The following ELF4 variants were observed in gnomAD, a reference collection of about 807,000 sequenced individuals.
The protein encoded by ELF4 is E74 like ETS transcription factor 4.
A neutral mutation model predicts 31.7 loss-of-function variants in ELF4; 10 were observed. The ratio of observed to expected loss-of-function variants is 0.32; its 90% CI spans 0.19 to 0.54. The LOEUF (loss-of-function observed/expected upper bound fraction) is 0.54, where lower values mean the gene tolerates loss of function less well. Ranked by LOEUF, ELF4 falls within the 20% of genes least tolerant of loss-of-function variation. ELF4 has a pLI of 0.95. For synonymous variants in ELF4, 208 were observed against 226.7 expected (o/e 0.92, Z 0.74); for missense variants, 418 against 522.0 (o/e 0.80, Z 1.94).
At chrX:130,077,583 C>T (rs1462873358) in intron 2 of ELF4, among the ~76,000 whole-genome samples, 5 of 112,596 alleles carry the variant, frequency 4.4e-5, no homozygotes, top group Non-Finnish European at 9.4e-5. Flanking sequence ...CGTGAGCCAC[C>T]GCACCTGGCC....
At chrX:130,072,496 G>A (rs1603199893) in intron 4 of ELF4, 79 bp from the exon 5 acceptor site, 3 of 1,046,150 alleles carry the variant, frequency 2.9e-6, no homozygotes, top group Non-Finnish European at 4.0e-6. Flanking sequence ...GAGACGGGTA[G>A]GTTCCAAGGG....
rs111535131 is a variant in ELF4, at chrX:130,103,102, A to G, written c.-210+7223T>C. On this transcript the variant is annotated intron_variant, in intron 1 of 8. Transcript: ENST00000308167. ...CCTATAAAAGAAAATATGAGACAAAATATTTGTGAACTAAGGCTAGGGGAA... is the reference window on the plus strand; with the variant it reads ...CCTATAAAAGAAAATATGAGACAAAGTATTTGTGAACTAAGGCTAGGGGAA... Among the ~76,000 whole-genome samples the G allele has an allele frequency of 5.5e-3, 614 of 111,834 alleles. 6 individuals carry two copies. Among genetic ancestry groups the G allele is most frequent in the African/African-American group, 0.019 (576 of 30,778 alleles).
At chrX:130,080,795 T>A (rs1932880736) in intron 2 of ELF4, among the ~76,000 whole-genome samples, 1 of 111,965 alleles carries the variant, frequency 8.9e-6, no homozygotes, top group Non-Finnish European at 1.9e-5. Context: ...ACTCTGAAAA[T>A]GTCAGGGCCT....
intron 2 of ELF4, among the ~76,000 whole-genome samples, chrX:130,078,298 G>T (rs1231094342): frequency 9.5e-6 from 1 of 104,960 alleles, no homozygotes; most frequent in Non-Finnish European, 2.0e-5. Context: ...TGCCTGTCTC[G>T]GCCTCCCGAA....
chrX:130,100,479 G>A (rs1393069882), intron 1 of ELF4, among the ~76,000 whole-genome samples: 2 of 110,431 alleles, frequency 1.8e-5, no homozygotes, highest in African/African-American at 6.6e-5. Flanking sequence ...AGCCCAGTTG[G>A]TCTCCTCATG....
chrX:130,103,141 C>T (rs1933315718), intron 1 of ELF4, among the ~76,000 whole-genome samples: 1 of 111,801 alleles, frequency 8.9e-6, no homozygotes, highest in African/African-American at 3.3e-5. Context: ...TTCTTCGATA[C>T]AGCACCAAAA....
intron 1 of ELF4, among the ~76,000 whole-genome samples, chrX:130,083,994 T>C (rs190072836): frequency 1.5e-4 from 17 of 112,283 alleles, no homozygotes; most frequent in Admixed American, 1.4e-3. Flanking sequence ...GAGCAAAATG[T>C]GCATACCTTC....
chrX:130,077,290 A>G (rs1932842600), intron 2 of ELF4, among the ~76,000 whole-genome samples: 1 of 105,972 alleles, frequency 9.4e-6, no homozygotes, highest in Non-Finnish European at 1.9e-5. Flanking sequence ...CCAGCATTCC[A>G]GAGAATTTTT....
chrX:130,095,035 C>A (rs1021916245), intron 1 of ELF4, among the ~76,000 whole-genome samples: 1 of 111,338 alleles, frequency 9.0e-6, no homozygotes, highest in African/African-American at 3.3e-5. Flanking sequence ...GGCAGTGGGG[C>A]GTGGGTGCTT....
In ELF4 at chrX:130,071,346, C is replaced by T. The variant is rs1338680097; in HGVS notation, c.606G>A (p.Lys202=). 1.7e-6 allele frequency: 2 copies of T among 1,210,461 alleles called. No individual in the cohort carries two copies. Among genetic ancestry groups the T allele is most frequent in the Non-Finnish European group, 2.2e-6 (2 of 895,303 alleles). The change falls in exon 6 of 9, where the codon AAG becomes AAA. Residue 202 remains lysine, a synonymous_variant. Coordinates refer to ENST00000308167, the MANE Select transcript of ELF4 (RefSeq NM_001421.4). ...CCCAGCTGTCCATACCTTTGCCATC[C>T]TTTGATTTCTTCCTAATGGGGATGC... ...DPSIPIRKKS[K]DGKGSTIYLW... is the part of the protein sequence containing the mutation.
intron 1 of ELF4, among the ~76,000 whole-genome samples, chrX:130,089,956 T>C (rs1220287931): frequency 9.3e-6 from 1 of 107,083 alleles, no homozygotes; most frequent in Non-Finnish European, 1.9e-5. Flanking sequence ...AAAAAAATTG[T>C]CTGGACGTGG....
Position 130,067,161 on chromosome X carries a change from CA to C in ELF4, c.1551del (p.Thr519LeufsTer23). The stretch of plus-strand genomic sequence containing the variant: ...CTGATGAAGGCAGCAATGACAGTCC[CA>C]GGGGGCTGAGAGCTGGGCCCTGCTG... ...AGPAGPSSQP[P>X]GTVIAAFIRT... On this transcript the variant is annotated frameshift_variant, in exon 9 of 9. Transcript: ENST00000308167. LOFTEE classifies it high-confidence loss of function. The C allele has an allele frequency of 8.3e-7, 1 of 1,203,853 alleles. No individual in the cohort carries two copies. Among genetic ancestry groups the C allele is most frequent in the Non-Finnish European group, 1.1e-6 (1 of 890,835 alleles).
intron 7 of ELF4, 151 bp from the exon 8 acceptor site, chrX:130,069,828 G>A: frequency 1.3e-6 from 1 of 799,178 alleles, no homozygotes; most frequent in Non-Finnish European, 1.8e-6. Context: ...CCAAGGGCAA[G>A]GGAAAGGATA....
intron 7 of ELF4, among the ~76,000 whole-genome samples, chrX:130,070,399 CCA>C (rs1192658003): frequency 3.6e-5 from 4 of 110,290 alleles, no homozygotes; most frequent in Admixed American, 2.9e-4. Context: ...GGTGAAACCC[CCA>C]GTCTCTACTA....
chrX:130,111,008 G>A (rs1309992580), upstream of ELF4, among the ~76,000 whole-genome samples: 2 of 96,377 alleles, frequency 2.1e-5, no homozygotes, highest in African/African-American at 7.6e-5. Flanking sequence ...GGCGGGCGGG[G>A]TGGGGGAGGG....
intron 1 of ELF4, among the ~76,000 whole-genome samples, chrX:130,098,107 C>G (rs180747432): frequency 1.8e-5 from 2 of 112,393 alleles, no homozygotes; most frequent in Admixed American, 9.3e-5. Context: ...CTGGAGCCCC[C>G]CTGAGCCATG....
chrX:130,088,790 C>T (rs912934405), intron 1 of ELF4, among the ~76,000 whole-genome samples: 2 of 111,987 alleles, frequency 1.8e-5, no homozygotes, highest in Non-Finnish European at 3.8e-5. Flanking sequence ...TATGTTGGTA[C>T]CCACAGGATA....
intron 1 of ELF4, among the ~76,000 whole-genome samples, chrX:130,096,897 C>G (rs1435792806): frequency 9.0e-6 from 1 of 110,679 alleles, no homozygotes; most frequent in Non-Finnish European, 1.9e-5. Flanking sequence ...AAGTCCCTGC[C>G]CCTCTCTGGA....
At chrX:130,096,427 G>A (rs1044146080) in intron 1 of ELF4, among the ~76,000 whole-genome samples, 1 of 110,654 alleles carries the variant, frequency 9.0e-6, no homozygotes, top group African/African-American at 3.3e-5. Flanking sequence ...CAAGTGATCC[G>A]CCCACCTCAG....
Sources: allele counts gnomAD v4.1 joint callset (sites outside exome capture counted in the v4.1 genomes callset), GRCh38; gene constraint gnomAD v4.1.1; transcripts MANE v1.5; gene names NCBI Gene and HGNC (gene_info 2026-07-23, HGNC 2026-07-21).